The following WWC2 variants were observed in gnomAD, a reference collection of about 807,000 sequenced individuals.
WWC2 encodes protein WWC2.
A neutral mutation model predicts 138.5 loss-of-function variants in WWC2; 101 were observed. The ratio of observed to expected loss-of-function variants is 0.73; its 90% confidence interval spans 0.62 to 0.86. WWC2 has a LOEUF of 0.86. WWC2 is among the 40% of genes least tolerant of loss of function. WWC2 has a pLI of 0.00. For missense variants in WWC2, 1,420 were observed against 1,419.4 expected (o/e 1.00, Z -0.01); for synonymous variants, 558 against 538.4 (o/e 1.04, Z -0.50).
intron 8 of WWC2, 116 bp downstream of exon 8, chr4:183,250,109 C>A: frequency 1.1e-6 from 1 of 939,842 alleles, no homozygotes; most frequent in Non-Finnish European, 1.6e-6. Flanking sequence ...CCAAGGCCAC[C>A]CTTCGGTTTT....
At chr4:183,205,057 G>A (rs777321251) in intron 2 of WWC2, among the ~76,000 whole-genome samples, 18 of 152,142 alleles carry the variant, frequency 1.2e-4, no homozygotes, top group Non-Finnish European at 2.2e-4. Flanking sequence ...TTTGTTTAGA[G>A]GTCTTTTTGT....
At chr4:183,268,883 C>T (rs1196532388) in intron 14 of WWC2, 88 bp from the exon 15 acceptor site, 2 of 1,333,508 alleles carry the variant, frequency 1.5e-6, no homozygotes, top group African/African-American at 2.9e-5. Flanking sequence ...CCCTCATTTT[C>T]TCTCTTTGCA....
chr4:183,179,214 C>T (rs1734552348), intron 1 of WWC2, among the ~76,000 whole-genome samples: 1 of 152,004 alleles, frequency 6.6e-6, no homozygotes, highest in Admixed American at 6.6e-5. Flanking sequence ...ACATACTGCC[C>T]CGGTGGTCGT....
chr4:183,300,319 G>C (rs1432571369), intron 21 of WWC2, among the ~76,000 whole-genome samples: 3 of 151,664 alleles, frequency 2.0e-5, no homozygotes, highest in Non-Finnish European at 4.4e-5. Context: ...GGAGCCTCGT[G>C]GTCCTTACAA....
At chr4:183,106,303 G>T (rs1743355152) in intron 1 of WWC2, among the ~76,000 whole-genome samples, 1 of 152,214 alleles carries the variant, frequency 6.6e-6, no homozygotes, top group South Asian at 2.1e-4. Flanking sequence ...GATTTTTAAA[G>T]GCACAGTGTG....
intron 4 of WWC2, among the ~76,000 whole-genome samples, chr4:183,236,109 C>T (rs1736415861): frequency 6.6e-6 from 1 of 152,150 alleles, no homozygotes; most frequent in African/African-American, 2.4e-5. Context: ...ATTGAAGGGA[C>T]TGTCCTTTCC....
Position 183,320,015 on chromosome 4 carries a change from G to A in WWC2, c.*4286G>A, listed in dbSNP as rs775532838. The stretch of plus-strand genomic sequence containing the variant: ...GTTCAGCAGGCAAAGCCAGGAAGGA[G>A]TCAAAGTCCTTGCATTGCATCCCCA... On this transcript the variant is annotated 3_prime_UTR_variant, in exon 23 of 23. Transcript: ENST00000403733. 89 of 1,613,758 alleles carry A rather than the reference G, an allele frequency of 5.5e-5. No individual in the cohort carries two copies. The highest frequency in any genetic ancestry group is 7.4e-5 in the Non-Finnish European group (87 of 1,179,808).
At position 183,265,085 on chromosome 4, in the gene WWC2, G is replaced by T; in HGVS notation, c.2017G>T (p.Val673Phe). 3 of 1,609,992 alleles carry T rather than the reference G, an allele frequency of 1.9e-6. No individual in the cohort carries two copies. The highest frequency in any genetic ancestry group is 1.1e-5 in the South Asian group (1 of 89,970). ...SDESVAGDSG[V>F]YEAFVKQPSE... is the part of the protein sequence containing the mutation. ...TGAGTCTGTGGCTGGAGACAGTGGG[G>T]TCTATGAAGCTTTCGTGAAACAGTA... Residue 673 changes from valine to phenylalanine, a missense_variant, in exon 12 of 23, where the codon GTC (valine) becomes TTC (phenylalanine). Transcript: ENST00000403733.
rs1396060300 is a variant in WWC2, at chr4:183,265,686, AGAC to A, written c.2040-1_2041del. On this transcript the variant is annotated splice_acceptor_variant and coding_sequence_variant, in exon 13 of 23. Coordinates refer to ENST00000403733, the MANE Select transcript of WWC2 (RefSeq NM_024949.6). LOFTEE classifies it high-confidence loss of function. ...CTGTTCATCTACTCCCTGTCCATAT[AGAC>A]CTAGTGAAATGGAAGATGTCACATA... 1.2e-6 allele frequency: 2 copies of A among 1,608,704 alleles called. No homozygotes were observed. Among genetic ancestry groups the A allele is most frequent in the Non-Finnish European group, 1.7e-6 (2 of 1,177,488 alleles).
intron 5 of WWC2, among the ~76,000 whole-genome samples, 191 bp from the exon 6 acceptor site, chr4:183,245,225 T>TAAAAA (rs746541290): frequency 2.9e-5 from 2 of 69,504 alleles, no homozygotes; most frequent in African/African-American, 4.3e-5. Flanking sequence ...AGACTCCATC[T>TAAAAA]AAAAAAAAAA....
chr4:183,118,782 T>C (rs1732504369), intron 1 of WWC2, among the ~76,000 whole-genome samples: 1 of 152,110 alleles, frequency 6.6e-6, no homozygotes, highest in African/African-American at 2.4e-5. Flanking sequence ...GGAAAGACAT[T>C]ATGGGGCTGC....
At chr4:183,229,253 T>C (rs957603037) in intron 4 of WWC2, among the ~76,000 whole-genome samples, 2 of 152,134 alleles carry the variant, frequency 1.3e-5, no homozygotes, top group Non-Finnish European at 2.9e-5. Flanking sequence ...TTTGGAACTC[T>C]AGAGTAATAC....
chr4:183,299,074 A>T (rs1707654285), intron 21 of WWC2, among the ~76,000 whole-genome samples: 1 of 152,194 alleles, frequency 6.6e-6, no homozygotes, highest in African/African-American at 2.4e-5. Context: ...TATTTCTCAC[A>T]GTTCGGGAGG....
intron 1 of WWC2, among the ~76,000 whole-genome samples, chr4:183,148,646 T>C (rs1042353632): frequency 2.6e-5 from 4 of 152,208 alleles, no homozygotes; most frequent in African/African-American, 9.7e-5. Flanking sequence ...TTTCTAGATA[T>C]CTTTGTTGTA....
At position 183,320,285 on chromosome 4, in the gene WWC2, C is replaced by T; in HGVS notation, c.*4556C>T. 7.2e-7 allele frequency: 1 copy of T among 1,386,948 alleles called. No individual in the cohort carries two copies. The highest frequency in any genetic ancestry group is 9.9e-7 in the Non-Finnish European group (1 of 1,005,386). 85.9% of individuals were successfully genotyped at this position (1,386,948 alleles called of 1,614,324 possible). ...TCGGTTGCTGTGAAAAGAAGTGTGA[C>T]ACTTGTGTTATAACTTATGAAACTC... On this transcript the variant is annotated 3_prime_UTR_variant, in exon 23 of 23. Coordinates refer to ENST00000403733, the MANE Select transcript of WWC2 (RefSeq NM_024949.6).
At chr4:183,218,708 G>C (rs1735829027) in intron 4 of WWC2, among the ~76,000 whole-genome samples, 1 of 152,154 alleles carries the variant, frequency 6.6e-6, no homozygotes, top group East Asian at 1.9e-4. Context: ...CTGGCAGGCG[G>C]AGACCCAGGA....
At chr4:183,266,521 G>A (rs1391501612) in intron 14 of WWC2, among the ~76,000 whole-genome samples, 1 of 152,162 alleles carries the variant, frequency 6.6e-6, no homozygotes, top group Non-Finnish European at 1.5e-5. Context: ...TTTGCTTCCT[G>A]ACAGATAAGC....
chr4:183,285,300 A>G (rs1196702754), intron 19 of WWC2, among the ~76,000 whole-genome samples: 2 of 152,244 alleles, frequency 1.3e-5, no homozygotes, highest in Non-Finnish European at 2.9e-5. Context: ...CGTTCTAGAT[A>G]GCACAGACTG....
chr4:183,101,327 T>C lies in WWC2; in HGVS notation c.131+1705T>C, dbSNP rs926375467. 2.6e-5 allele frequency among the ~76,000 whole-genome samples: 4 copies of C among 152,254 alleles called. 1 individual carries two copies. The highest frequency in any genetic ancestry group is 5.9e-5 in the Non-Finnish European group (4 of 68,050). ...TATATGACTTGGCTATCCATATCAC[T>C]ACTTTTTTCACAAGTCAAGCATGTC... On this transcript the variant is annotated intron_variant, in intron 1 of 22. Coordinates refer to ENST00000403733, the MANE Select transcript of WWC2 (RefSeq NM_024949.6).
Sources: allele counts gnomAD v4.1 joint callset (sites outside exome capture counted in the v4.1 genomes callset), GRCh38; gene constraint gnomAD v4.1.1; transcripts MANE v1.5; gene names NCBI Gene and HGNC (gene_info 2026-07-23, HGNC 2026-07-21).